EMCN: variants seen among roughly 807,000 people sequenced by gnomAD.
EMCN encodes endomucin.
Under a neutral mutation model 38.4 loss-of-function variants are expected in EMCN, and 37 were observed. The ratio of observed to expected loss-of-function variants is 0.96; its 90% CI spans 0.74 to 1.27. EMCN has a LOEUF of 1.27. Ranked by LOEUF, EMCN falls within the 50% of genes most tolerant of loss-of-function variation. The pLI is 0.00. For synonymous variants in EMCN, 95 were observed against 100.8 expected (o/e 0.94, Z 0.35); for missense variants, 318 against 302.8 (o/e 1.05, Z -0.37).
intron 1 of EMCN, among the ~76,000 whole-genome samples, chr4:100,489,426 C>T (rs1729021375): frequency 6.6e-6 from 1 of 152,144 alleles, no homozygotes; most frequent in South Asian, 2.1e-4. Flanking sequence ...TTCACAGCAG[C>T]AGTGTGGAGT....
chr4:100,487,034 G>C (rs1163589016), intron 1 of EMCN: 1 of 984,534 alleles, frequency 1.0e-6, no homozygotes. Flanking sequence ...AAATCCTGAG[G>C]TAAAAAAGGC....
rs114133532 is a variant in EMCN, at chr4:100,482,440, A to G, written c.65-2401T>C. ...AGACTTTATAAGATAAAATAAGACT[A>G]CTCTGCTGGCATGAATAATGAATAC... On this transcript the variant is annotated intron_variant, in intron 1 of 11. Transcript: ENST00000296420. 8.0e-3 allele frequency among the ~76,000 whole-genome samples: 1,222 copies of G among 152,178 alleles called. 21 individuals are homozygous for G. The highest frequency in any genetic ancestry group is 0.026 in the African/African-American group (1,080 of 41,544).
chr4:100,423,444 T>A, intron 5 of EMCN, 40 bp from the exon 6 acceptor site: 1 of 1,366,304 alleles, frequency 7.3e-7, no homozygotes, highest in Non-Finnish European at 1.0e-6. Context: ...GCTATGGTAT[T>A]AAGCCTTCAT....
intron 9 of EMCN, 85 bp from the exon 10 acceptor site, chr4:100,416,044 C>T (rs1578397271): frequency 8.6e-6 from 7 of 813,442 alleles, no homozygotes; most frequent in Admixed American, 2.7e-5. Context: ...AACAGAATGA[C>T]GAAGATACAT....
chr4:100,414,010 G>T (rs866406339), intron 10 of EMCN, among the ~76,000 whole-genome samples: 9 of 152,160 alleles, frequency 5.9e-5, no homozygotes, highest in African/African-American at 1.7e-4. Flanking sequence ...TTGCAACGAA[G>T]AAACACAAGG....
intron 1 of EMCN, among the ~76,000 whole-genome samples, chr4:100,512,980 TG>T (rs1473743288): frequency 6.6e-6 from 1 of 152,164 alleles, no homozygotes; most frequent in Non-Finnish European, 1.5e-5. Flanking sequence ...CAGCTTGAAA[TG>T]TAACTTCACC....
chr4:100,465,602 C>A, intron 3 of EMCN, 63 bp from the exon 4 acceptor site: 13 of 793,558 alleles, frequency 1.6e-5, no homozygotes, highest in South Asian at 2.5e-5. Flanking sequence ...TATTAATATT[C>A]ATATTAATAT....
At chr4:100,454,219 C>T (rs1264594009) in intron 4 of EMCN, among the ~76,000 whole-genome samples, 2 of 136,470 alleles carry the variant, frequency 1.5e-5, no homozygotes, top group African/African-American at 5.6e-5. Flanking sequence ...ATGAGTATGT[C>T]GTGTTTTCAA....
In EMCN at chr4:100,475,771, G is replaced by T. The variant is rs948772348; in HGVS notation, c.188-662C>A. ...CGGCTCACTGCAAGCTCTGCCTCCT[G>T]GGTTCACGCCATTCTCCTGCCTCAG... On this transcript the variant is annotated intron_variant, in intron 2 of 11. Coordinates refer to ENST00000296420, the MANE Select transcript of EMCN (RefSeq NM_016242.4). 2.1e-5 allele frequency among the ~76,000 whole-genome samples: 3 copies of T among 142,856 alleles called. No homozygotes were observed. In the East Asian group the frequency reaches 6.5e-4, roughly 31 times the overall value. The allele number at this position is 142,856 out of a possible 152,430, so 93.7% of individuals were successfully genotyped here. A position where few individuals can be genotyped will look rare whatever the true frequency, so the allele number is the denominator to read the frequency against.
rs77597612 is a variant in EMCN at position 100,429,876 on chromosome 4, T to G, written c.416-6472A>C. ...GGCTCAGAGAGATAAGGTAATATAT[T>G]TAACAGTAAGTGCAAGGCTAAACCA... On this transcript the variant is annotated intron_variant, in intron 5 of 11. Coordinates refer to ENST00000296420, the MANE Select transcript of EMCN (RefSeq NM_016242.4). Among the ~76,000 whole-genome samples the G allele has an allele frequency of 4.7e-3, 717 of 152,204 alleles. 4 individuals are homozygous for G. The highest frequency in any genetic ancestry group is 6.6e-3 in the South Asian group (32 of 4,818).
chr4:100,416,816 T>C (rs541526779), intron 9 of EMCN, among the ~76,000 whole-genome samples: 34 of 152,302 alleles, frequency 2.2e-4, no homozygotes, highest in Non-Finnish European at 4.1e-4. Context: ...ATTAAAAATT[T>C]CACTGGGAAA....
chr4:100,403,237 G>T (rs957983063), intron 11 of EMCN, among the ~76,000 whole-genome samples: 1 of 152,032 alleles, frequency 6.6e-6, no homozygotes, highest in Non-Finnish European at 1.5e-5. Context: ...GGTGTCTCTT[G>T]TTCCCCGCTT....
chr4:100,415,487 A>G (rs906500050), intron 10 of EMCN, among the ~76,000 whole-genome samples: 3 of 152,238 alleles, frequency 2.0e-5, no homozygotes, highest in African/African-American at 7.2e-5. Context: ...TATATAAATG[A>G]TATAAAACAT....
At chr4:100,498,720 G>C (rs1729274801) in intron 1 of EMCN, among the ~76,000 whole-genome samples, 1 of 152,154 alleles carries the variant, frequency 6.6e-6, no homozygotes, top group Admixed American at 6.5e-5. Context: ...GGGAGTACAG[G>C]CGTGAGCCAC....
chr4:100,467,453 C>T (rs1173964197), intron 3 of EMCN, among the ~76,000 whole-genome samples: 6 of 151,702 alleles, frequency 4.0e-5, no homozygotes, highest in African/African-American at 1.4e-4. Context: ...CCGAGGCGGG[C>T]GGATCACGAG....
chr4:100,448,830 C>CTTT (rs1727757447), intron 4 of EMCN, among the ~76,000 whole-genome samples: 22 of 141,350 alleles, frequency 1.6e-4, no homozygotes, highest in South Asian at 4.4e-4. Flanking sequence ...CTTCCTCCCT[C>CTTT]CCTCCCTCCC....
At chr4:100,500,949 C>G (rs964200032) in intron 1 of EMCN, among the ~76,000 whole-genome samples, 1 of 151,372 alleles carries the variant, frequency 6.6e-6, no homozygotes, top group Non-Finnish European at 1.5e-5. Flanking sequence ...AGTTTTTTTT[C>G]TATATTAAGA....
chr4:100,427,683 C>T (rs1182587727), intron 5 of EMCN, among the ~76,000 whole-genome samples: 3 of 152,056 alleles, frequency 2.0e-5, no homozygotes, highest in South Asian at 4.1e-4. Context: ...AGATTTCATT[C>T]AATTTCAAGG....
intron 5 of EMCN, among the ~76,000 whole-genome samples, chr4:100,428,198 C>T (rs1330113320): frequency 6.6e-6 from 1 of 152,116 alleles, no homozygotes; most frequent in Non-Finnish European, 1.5e-5. Context: ...ATCTGCCTGG[C>T]AAATCCCCTG....
Sources: gnomAD v4.1 joint callset for allele counts (sites outside exome capture counted in the v4.1 genomes callset) on GRCh38, gnomAD v4.1.1 for gene constraint, MANE v1.5 for transcripts, NCBI Gene and HGNC (gene_info 2026-07-23, HGNC 2026-07-21) for gene names.